Variants in AGTR2 observed in about 807,000 individuals in gnomAD.
AGTR2 encodes the protein angiotensin II receptor type 2.
A neutral mutation model predicts 14.2 loss-of-function variants in AGTR2; 15 were observed. The observed-to-expected ratio is 1.05, with a 90% CI of 0.70 to 1.62. AGTR2 has a LOEUF of 1.62. AGTR2 is among the 40% of genes most tolerant of loss of function. The probability of loss-of-function intolerance (pLI) is 0.00; values close to 1 mark genes in which losing one functional copy is unlikely to be tolerated. For missense variants in AGTR2, 274 were observed against 273.1 expected, an observed-to-expected ratio of 1.00 and a Z score of -0.02; for synonymous variants, 101 against 98.5, an observed-to-expected ratio of 1.03 and a Z score of -0.15.
At position 116,172,352 on chromosome X, in the gene AGTR2, C is replaced by T; in HGVS notation, c.72C>T (p.Asn24=). ...GCGGTCTTCACTTCGGGCTTGTGAA[C>T]ATCTCTGGCAACAATGAGTCTACCT... The part of the protein sequence containing the change: ...ITSGLHFGLV[N]ISGNNESTLN... The change falls in exon 3 of 3, where the codon AAC becomes AAT. Residue 24 remains asparagine, a synonymous_variant. Transcript: ENST00000371906. 1 of 1,211,031 alleles carries T rather than the reference C, an allele frequency of 8.3e-7. No individual in the cohort carries two copies. Among genetic ancestry groups the T allele is most frequent in the Non-Finnish European group, 1.1e-6 (1 of 894,967 alleles).
At chrX:116,171,549 A>T (rs1232525923) in intron 2 of AGTR2, among the ~76,000 whole-genome samples, 1 of 110,901 alleles carries the variant, frequency 9.0e-6, no homozygotes, top group Non-Finnish European at 1.9e-5. Flanking sequence ...TTCTCTATTA[A>T]AAGGAGAAGA....
In AGTR2 at chrX:116,170,817, G is replaced by T. The variant is rs1922421219; in HGVS notation, c.-96+1G>T. On this transcript the variant is annotated splice_donor_variant, in intron 1 of 2. Coordinates refer to ENST00000371906, the MANE Select transcript of AGTR2 (RefSeq NM_000686.5). LOFTEE classifies it low-confidence loss of function (5UTR_SPLICE). The stretch of plus-strand genomic sequence containing the variant: ...GCATTCTGCAGCCTGAATTTTGAAG[G>T]TAAGTATGAACAATTTATATATAAT... 9.0e-6 allele frequency: 1 copy of T among 111,620 alleles called. No homozygotes were observed. Among genetic ancestry groups the T allele is most frequent in the Admixed American group, 9.6e-5 (1 of 10,464 alleles). The allele number at this position is 111,620 out of a possible 1,213,427, so 9.2% of individuals were successfully genotyped here.
At chrX:116,171,258 A>G (rs1556673587) in intron 2 of AGTR2, among the ~76,000 whole-genome samples, 1 of 109,800 alleles carries the variant, frequency 9.1e-6, no homozygotes, top group Admixed American at 9.8e-5. Context: ...GTTTTAAAAT[A>G]ATGCTTCTAG....
Position 116,173,339 on chromosome X carries a change from T to A in AGTR2, c.1059T>A (p.Ser353Arg). 1 of 1,211,468 alleles carries A rather than the reference T, an allele frequency of 8.3e-7. No homozygotes were observed. The highest frequency in any genetic ancestry group is 1.1e-6 in the Non-Finnish European group (1 of 895,282). The change falls in exon 3 of 3, where the codon AGT (serine) becomes AGA (arginine). Residue 353 changes from serine to arginine, a missense_variant. Transcript: ENST00000371906. ...AGAGTATGTCTTGCCGGAAAAGCAG[T>A]TCTCTTAGAGAAATGGAGACCTTTG... is the stretch of plus-strand genomic sequence containing the variant. ...KRESMSCRKS[S>R]SLREMETFVS is the part of the protein sequence containing the mutation.
chrX:116,172,531 T>C lies in AGTR2; in HGVS notation c.251T>C (p.Phe84Ser). ...AAAAAGGTTTCTAGCATATACATCT[T>C]CAACCTCGCTGTGGCTGATTTACTC... is the stretch of plus-strand genomic sequence containing the variant. Reference protein sequence around the residue: ...GPKKVSSIYIFNLAVADLLLL... With the variant: ...GPKKVSSIYISNLAVADLLLL... The change falls in exon 3 of 3, where the codon TTC becomes TCC. Residue 84 changes from phenylalanine to serine, a missense_variant. Phe to Ser is a radical substitution (Grantham distance 155, BLOSUM62 -2). Coordinates refer to ENST00000371906, the MANE Select transcript of AGTR2 (RefSeq NM_000686.5). 1 of 1,211,685 alleles carries C rather than the reference T, an allele frequency of 8.3e-7. No homozygotes were observed. The highest frequency in any genetic ancestry group is 1.1e-6 in the Non-Finnish European group (1 of 895,387).
Position 116,172,460 on chromosome X carries a change from G to A in AGTR2, c.180G>A (p.Leu60=). The A allele has an allele frequency of 8.3e-7, 1 of 1,210,174 alleles. No homozygotes were observed. The highest frequency in any genetic ancestry group is 1.8e-5 in the South Asian group (1 of 56,953). ...LYYIIFVIGF[L]VNIVVVTLFC... is the part of the protein sequence containing the mutation. The stretch of plus-strand genomic sequence containing the variant: ...ACATTATATTTGTAATTGGATTTCT[G>A]GTCAATATTGTCGTGGTTACACTGT... Residue 60 remains leucine (L), a synonymous_variant, in exon 3 of 3, where the codon CTG becomes CTA. Coordinates refer to ENST00000371906, the MANE Select transcript of AGTR2 (RefSeq NM_000686.5).
Position 116,172,964 on chromosome X carries a change from A to T in AGTR2, c.684A>T (p.Ala228=). The change falls in exon 3 of 3, where the codon GCA becomes GCT. Residue 228 remains alanine (A), a synonymous_variant. Coordinates refer to ENST00000371906, the MANE Select transcript of AGTR2 (RefSeq NM_000686.5). The part of the protein sequence containing the change: ...LGFIIPLIFI[A]TCYFGIRKHL... ...TTATTATCCCTTTAATATTCATAGC[A>T]ACATGCTATTTTGGAATTAGAAAAC... 3 of 1,211,178 alleles carry T rather than the reference A, an allele frequency of 2.5e-6. No homozygotes were observed. Among genetic ancestry groups the T allele is most frequent in the Non-Finnish European group, 3.4e-6 (3 of 895,198 alleles).
At chrX:116,171,991 A>T (rs1429824155) in intron 2 of AGTR2, among the ~76,000 whole-genome samples, 4 of 112,232 alleles carry the variant, frequency 3.6e-5, no homozygotes, top group African/African-American at 1.3e-4. Context: ...AACATCATAG[A>T]AAAGATGGGC....
At position 116,174,323 on chromosome X, in the gene AGTR2, A is replaced by G. The variant is rs1556673958; in HGVS notation, c.*951A>G. 1 of 122,335 alleles carries G rather than the reference A, an allele frequency of 8.2e-6. No individual in the cohort carries two copies. Among genetic ancestry groups the G allele is most frequent in the East Asian group, 2.8e-4 (1 of 3,546 alleles). 10.1% of individuals were successfully genotyped at this position (122,335 alleles called of 1,213,427 possible). A position where few individuals can be genotyped will look rare whatever the true frequency, so the allele number is the denominator to read the frequency against. ...CTTAAAAAAAACTCTTTAACTTGTA[A>G]TAAACCCTTAACTGGCATAGGAAAT... On this transcript the variant is annotated 3_prime_UTR_variant, in exon 3 of 3. Coordinates refer to ENST00000371906, the MANE Select transcript of AGTR2 (RefSeq NM_000686.5).
intron 2 of AGTR2, among the ~76,000 whole-genome samples, chrX:116,171,342 G>A (rs1922442718): frequency 9.1e-6 from 1 of 109,791 alleles, no homozygotes; most frequent in Non-Finnish European, 1.9e-5. Flanking sequence ...AAACCGAAAA[G>A]AGAGAAAAAG....
rs1922475627 is a variant in AGTR2 at position 116,172,321 on chromosome X, T to C, written c.41T>C (p.Ile14Thr). The C allele has an allele frequency of 8.3e-7, 1 of 1,211,190 alleles. No individual in the cohort carries two copies. Among genetic ancestry groups the C allele is most frequent in the Non-Finnish European group, 1.1e-6 (1 of 895,183 alleles). Reference sequence around the variant, plus strand: ...ACCCTTGCCACTACTAGCAAAAACATTACCAGCGGTCTTCACTTCGGGCTT... The same window carrying C: ...ACCCTTGCCACTACTAGCAAAAACACTACCAGCGGTCTTCACTTCGGGCTT... ...NSTLATTSKN[I>T]TSGLHFGLVN... Residue 14 changes from isoleucine to threonine, a missense_variant, in exon 3 of 3, where the codon ATT becomes ACT. Coordinates refer to ENST00000371906, the MANE Select transcript of AGTR2 (RefSeq NM_000686.5).
At position 116,172,428 on chromosome X, in the gene AGTR2, C is replaced by G; in HGVS notation, c.148C>G (p.Leu50Val). The G allele has an allele frequency of 8.3e-7, 1 of 1,210,297 alleles. No homozygotes were observed. The highest frequency in any genetic ancestry group is 1.1e-6 in the Non-Finnish European group (1 of 894,293). Residue 50 changes from leucine (L) to valine (V), a missense_variant, in exon 3 of 3, where the codon CTT becomes GTT. Transcript: ENST00000371906. Reference protein sequence around the residue: ...SDKHLDAIPILYYIIFVIGFL... With the variant: ...SDKHLDAIPIVYYIIFVIGFL... ...TAAGCATTTAGATGCAATTCCTATT[C>G]TTTACTACATTATATTTGTAATTGG...
rs1556673723 is a variant in AGTR2, at chrX:116,172,600, GAT to G, written c.323_324del (p.Tyr108Ter). The G allele has an allele frequency of 8.3e-7, 1 of 1,210,966 alleles. No individual in the cohort carries two copies. Among genetic ancestry groups the G allele is most frequent in the South Asian group, 1.8e-5 (1 of 56,953 alleles). ...CTATGGGCAACCTATTATTCTTATA[GAT>G]ATGACTGGCTCTTTGGACCTGTGAT... On this transcript the variant is annotated frameshift_variant, in exon 3 of 3. Coordinates refer to ENST00000371906, the MANE Select transcript of AGTR2 (RefSeq NM_000686.5). LOFTEE classifies it high-confidence loss of function.
chrX:116,171,937 C>T (rs528126965), intron 2 of AGTR2, among the ~76,000 whole-genome samples: 2 of 111,732 alleles, frequency 1.8e-5, no homozygotes, highest in South Asian at 7.4e-4. Context: ...ATTTCCTGCC[C>T]TGACTAATCT....
chrX:116,174,607 G>A lies in AGTR2; in HGVS notation c.*1235G>A, dbSNP rs1314799966. ...CACTATTAAAGCTCCTAAGTTAGAG[G>A]AGTGCCTAAAACTGAGTTACCTAAA... On this transcript the variant is annotated 3_prime_UTR_variant, in exon 3 of 3. Transcript: ENST00000371906. 15 of 122,564 alleles carry A rather than the reference G, an allele frequency of 1.2e-4. No individual in the cohort carries two copies. The highest frequency in any genetic ancestry group is 4.9e-4 in the African/African-American group (15 of 30,622). The allele number at this position is 122,564 out of a possible 1,213,427, so 10.1% of individuals were successfully genotyped here.
Position 116,174,629 on chromosome X carries a change from TA to T in AGTR2, c.*1260del, listed in dbSNP as rs1192421885. ...GAGGAGTGCCTAAAACTGAGTTACC[TA>T]AAGTTTACTTACATTAAAGTATGAA... On this transcript the variant is annotated 3_prime_UTR_variant, in exon 3 of 3. Coordinates refer to ENST00000371906, the MANE Select transcript of AGTR2 (RefSeq NM_000686.5). The T allele has an allele frequency of 8.1e-6, 1 of 122,794 alleles. No homozygotes were observed. The highest frequency in any genetic ancestry group is 3.3e-5 in the African/African-American group (1 of 30,682). 10.1% of individuals were successfully genotyped at this position (122,794 alleles called of 1,213,427 possible).
chrX:116,173,462 A>G lies in AGTR2; in HGVS notation c.*90A>G, dbSNP rs1207079690. ...TAAGTGGTTTTAATAAAATAATAAA[A>G]TTTCCCCTAATCTTTTCTGAATCTT... On this transcript the variant is annotated 3_prime_UTR_variant, in exon 3 of 3. Coordinates refer to ENST00000371906, the MANE Select transcript of AGTR2 (RefSeq NM_000686.5). The G allele has an allele frequency of 1.8e-6, 2 of 1,088,639 alleles. No homozygotes were observed. The highest frequency in any genetic ancestry group is 2.5e-6 in the Non-Finnish European group (2 of 802,500). 89.7% of individuals were successfully genotyped at this position (1,088,639 alleles called of 1,213,427 possible). A position where few individuals can be genotyped will look rare whatever the true frequency, so the allele number is the denominator to read the frequency against.
In AGTR2 at chrX:116,172,652, T is replaced by C. The variant is rs1922494931; in HGVS notation, c.372T>C (p.Leu124=). 1 of 1,209,434 alleles carries C rather than the reference T, an allele frequency of 8.3e-7. No individual in the cohort carries two copies. Among genetic ancestry groups the C allele is most frequent in the Admixed American group, 2.2e-5 (1 of 45,643 alleles). Residue 124 remains leucine (L), a synonymous_variant, in exon 3 of 3, where the codon CTT becomes CTC. Coordinates refer to ENST00000371906, the MANE Select transcript of AGTR2 (RefSeq NM_000686.5). ...TGTGCAAAGTTTTTGGTTCTTTTCT[T>C]ACCCTGAACATGTTTGCAAGCATTT... ...PVMCKVFGSF[L]TLNMFASIFF... is the part of the protein sequence containing the mutation.
At chrX:116,172,181 C>G in intron 2 of AGTR2, 65 bp from the exon 3 acceptor site, 2 of 1,017,527 alleles carry the variant, frequency 2.0e-6, no homozygotes, top group Non-Finnish European at 2.7e-6. Flanking sequence ...ATTCAAAATG[C>G]TAATGATTCA....
Sources: allele counts gnomAD v4.1 joint callset (sites outside exome capture counted in the v4.1 genomes callset), GRCh38; gene constraint gnomAD v4.1.1; transcripts MANE v1.5; gene names NCBI Gene and HGNC (gene_info 2026-07-23, HGNC 2026-07-21).